OCA2: variants seen among roughly 807,000 people sequenced by gnomAD.
The protein encoded by OCA2 is OCA2 melanosomal transmembrane protein, also known as P protein.
Under a neutral mutation model 100.2 loss-of-function variants are expected in OCA2, and 77 were observed. The observed-to-expected ratio is 0.77, with a 90% CI of 0.64 to 0.93. The LOEUF is 0.93. Ranked by LOEUF, OCA2 falls within the 40% of genes least tolerant of loss-of-function variation. OCA2 has a pLI of 0.00. For synonymous variants in OCA2, 432 were observed against 439.2 expected, an observed-to-expected ratio of 0.98 and a Z score of 0.21; for missense variants, 1,062 against 1,089.1, an observed-to-expected ratio of 0.98 and a Z score of 0.35.
intron 2 of OCA2, among the ~76,000 whole-genome samples, chr15:28,058,625 A>G (rs2043778051): frequency 6.6e-6 from 1 of 152,180 alleles, no homozygotes; most frequent in African/African-American, 2.4e-5. Context: ...CCTGCTGGGA[A>G]CATGATGTCG....
downstream of OCA2, among the ~76,000 whole-genome samples, chr15:27,750,342 C>T (rs146779832): frequency 6.6e-5 from 10 of 152,260 alleles, no homozygotes; most frequent in East Asian, 7.7e-4. Flanking sequence ...TATTACATCC[C>T]AGAGGATAAA....
At chr15:28,013,408 C>A (rs1186042017) in intron 9 of OCA2, among the ~76,000 whole-genome samples, 4 of 152,124 alleles carry the variant, frequency 2.6e-5, no homozygotes, top group Non-Finnish European at 5.9e-5. Flanking sequence ...TCCCTCATTA[C>A]CAAAGAGAAG....
intron 13 of OCA2, 55 bp from the exon 14 acceptor site, chr15:27,983,538 C>T: frequency 6.3e-7 from 1 of 1,590,122 alleles, no homozygotes; most frequent in South Asian, 1.1e-5. Flanking sequence ...CGTGAAAGGC[C>T]CACATGCAAC....
intron 15 of OCA2, among the ~76,000 whole-genome samples, chr15:27,958,692 T>A (rs1243145571): frequency 1.3e-5 from 2 of 152,204 alleles, no homozygotes; most frequent in African/African-American, 4.8e-5. Context: ...AAAACCTACA[T>A]TTAACCTCTA....
At chr15:27,832,907 G>A (rs554473418) in intron 23 of OCA2, among the ~76,000 whole-genome samples, 2 of 147,048 alleles carry the variant, frequency 1.4e-5, no homozygotes, top group South Asian at 4.3e-4. Context: ...CTGTTTCCCG[G>A]GTTCAAGTGA....
In OCA2 at chr15:28,024,909, G is replaced by A; in HGVS notation, c.516-7C>T. ...CAGCCACTGCACACAGCGCCTGCAA[G>A]AGAAAAAGTAGGGCCTTAGTGGCAA... On this transcript the variant is annotated splice_region_variant and splice_polypyrimidine_tract_variant and intron_variant, in intron 4 of 23. Transcript: ENST00000354638. The A allele has an allele frequency of 1.2e-6, 2 of 1,614,172 alleles. No homozygotes were observed. Among genetic ancestry groups the A allele is most frequent in the South Asian group, 1.1e-5 (1 of 91,080 alleles).
At position 28,078,390 on chromosome 15, in the gene OCA2, G is replaced by C. The variant is rs190437026; in HGVS notation, c.227+3258C>G. 4.5e-4 allele frequency among the ~76,000 whole-genome samples: 68 copies of C among 152,234 alleles called. No individual in the cohort carries two copies. The East Asian group carries it at 8.5e-3, about 19-fold the overall frequency. Reference sequence around the variant, plus strand: ...CTCCAGCAATCCCATCCCTGAGAGTGGGCTGGACCTAGTAGTGACTGGCTT... The same window carrying C: ...CTCCAGCAATCCCATCCCTGAGAGTCGGCTGGACCTAGTAGTGACTGGCTT... On this transcript the variant is annotated intron_variant, in intron 2 of 23. Coordinates refer to ENST00000354638, the MANE Select transcript of OCA2 (RefSeq NM_000275.3).
At chr15:27,961,731 A>G (rs1305476199) in intron 15 of OCA2, among the ~76,000 whole-genome samples, 4 of 152,166 alleles carry the variant, frequency 2.6e-5, no homozygotes, top group African/African-American at 9.7e-5. Context: ...TCTCACTCAT[A>G]AGTGGGAGTT....
At chr15:27,950,350 T>C (rs991695270) in intron 18 of OCA2, among the ~76,000 whole-genome samples, 5 of 152,200 alleles carry the variant, frequency 3.3e-5, no homozygotes, top group African/African-American at 1.2e-4. Flanking sequence ...CTTGTAGTCA[T>C]TAAGGTTTCT....
intron 1 of OCA2, among the ~76,000 whole-genome samples, chr15:28,084,881 T>C (rs955751031): frequency 6.6e-6 from 1 of 152,212 alleles, no homozygotes; most frequent in Non-Finnish European, 1.5e-5. Flanking sequence ...AAGGAGCATC[T>C]GGAGAGCGAG....
intron 10 of OCA2, 152 bp from the exon 11 acceptor site, chr15:27,989,818 T>C: frequency 1.4e-6 from 1 of 730,048 alleles, no homozygotes; most frequent in Non-Finnish European, 2.5e-6. Flanking sequence ...TTGGATTATA[T>C]CGCTGCTGAA....
intron 23 of OCA2, among the ~76,000 whole-genome samples, chr15:27,763,489 G>T (rs2031002058): frequency 6.6e-6 from 1 of 152,210 alleles, no homozygotes; most frequent in Admixed American, 6.5e-5. Context: ...CAAAAGACAT[G>T]AAGAGACATT....
At chr15:27,983,515 C>T (rs1327562495) in intron 13 of OCA2, 32 bp from the exon 14 acceptor site, 2 of 1,613,256 alleles carry the variant, frequency 1.2e-6, no homozygotes, top group Admixed American at 1.7e-5. Context: ...GAAAGTAGTC[C>T]CACTATACAC....
At chr15:27,967,637 G>A (rs1048972666) in intron 14 of OCA2, among the ~76,000 whole-genome samples, 1 of 152,254 alleles carries the variant, frequency 6.6e-6, no homozygotes, top group Non-Finnish European at 1.5e-5. Context: ...AGGGCACTCA[G>A]GGCCCATCAG....
chr15:27,850,148 C>G (rs1449885289), intron 22 of OCA2, among the ~76,000 whole-genome samples: 1 of 152,182 alleles, frequency 6.6e-6, no homozygotes, highest in Non-Finnish European at 1.5e-5. Context: ...GAAATCCAAA[C>G]TAGCTCACGA....
chr15:27,831,810 C>T (rs2034968864), intron 23 of OCA2, among the ~76,000 whole-genome samples: 1 of 152,202 alleles, frequency 6.6e-6, no homozygotes, highest in South Asian at 2.1e-4. Flanking sequence ...GCTGCTGAAC[C>T]CTCTGGTCCA....
intron 2 of OCA2, among the ~76,000 whole-genome samples, chr15:28,078,343 T>G (rs1188249415): frequency 2.0e-5 from 3 of 152,208 alleles, no homozygotes; most frequent in Non-Finnish European, 4.4e-5. Flanking sequence ...CTCCCAGGAA[T>G]TGGCCTGCTG....
chr15:27,774,400 C>T (rs1192315010), intron 23 of OCA2, among the ~76,000 whole-genome samples: 1 of 152,258 alleles, frequency 6.6e-6, no homozygotes, highest in Non-Finnish European at 1.5e-5. Flanking sequence ...GGCCACCCAG[C>T]ATCATTGAGC....
intron 19 of OCA2, among the ~76,000 whole-genome samples, chr15:27,890,005 T>G (rs111326184): frequency 0.016 from 2,372 of 152,248 alleles, 55 homozygotes; most frequent in African/African-American, 0.05. Flanking sequence ...GTCTGATGAG[T>G]GCTACATCCT....
Sources: allele counts gnomAD v4.1 joint callset (sites outside exome capture counted in the v4.1 genomes callset), GRCh38; gene constraint gnomAD v4.1.1; transcripts MANE v1.5; gene names NCBI Gene and HGNC (gene_info 2026-07-23, HGNC 2026-07-21).